Variants in DDX60 observed in about 807,000 individuals in gnomAD.
The protein encoded by DDX60 is probable ATP-dependent RNA helicase DDX60.
Under a neutral mutation model 212.8 loss-of-function variants are expected in DDX60, and 165 were observed. The observed-to-expected ratio is 0.78, with a 90% confidence interval of 0.68 to 0.88. The LOEUF (loss-of-function observed/expected upper bound fraction) is 0.88. DDX60 is among the 40% of genes least tolerant of loss of function. DDX60 has a pLI of 0.00. For synonymous variants in DDX60, 703 were observed against 685.3 expected, an observed-to-expected ratio of 1.03 and a Z score of -0.40; for missense variants, 1,905 against 2,003.9, an observed-to-expected ratio of 0.95 and a Z score of 0.94.
chr4:168,255,876 AT>A lies in DDX60; in HGVS notation c.3399-8del, dbSNP rs1734388419. ...TACAGCTCCTAACTTGAATCTGGAA[AT>A]AAAAAGAATGTGCGCCTTGAAAATA... is the stretch of plus-strand genomic sequence containing the variant. On this transcript the variant is annotated splice_polypyrimidine_tract_variant and splice_region_variant and intron_variant, in intron 25 of 37. Coordinates refer to ENST00000393743, the MANE Select transcript of DDX60 (RefSeq NM_017631.6). 1 of 1,571,022 alleles carries A rather than the reference AT, an allele frequency of 6.4e-7. No homozygotes were observed. Among genetic ancestry groups the A allele is most frequent in the Non-Finnish European group, 8.6e-7 (1 of 1,167,638 alleles).
intron 19 of DDX60, among the ~76,000 whole-genome samples, chr4:168,270,858 C>CT (rs200092171): frequency 2.8e-5 from 4 of 145,308 alleles, no homozygotes; most frequent in Admixed American, 6.9e-5. Flanking sequence ...AATATTCCCC[C>CT]TTTTTTTTCT....
At chr4:168,287,506 A>T (rs1393416124) in intron 9 of DDX60, among the ~76,000 whole-genome samples, 3 of 152,210 alleles carry the variant, frequency 2.0e-5, no homozygotes, top group Non-Finnish European at 4.4e-5. Flanking sequence ...TATGCCACAC[A>T]TAACTTTACA....
At position 168,225,599 on chromosome 4, in the gene DDX60, G is replaced by A. The variant is rs756604330; in HGVS notation, c.4611C>T (p.Thr1537=). 3 of 1,611,250 alleles carry A rather than the reference G, an allele frequency of 1.9e-6. No homozygotes were observed. Among genetic ancestry groups the A allele is most frequent in the East Asian group, 4.5e-5 (2 of 44,596 alleles). ...EYNMKIMEDF[T]TFLRIVSKLA... is the part of the protein sequence containing the mutation. The stretch of plus-strand genomic sequence containing the variant: ...GTTTGGAAACAATTCGTAGGAAAGT[G>A]GTAAAGTCCTCCATAATTTTCATGT... The change falls in exon 34 of 38, where the codon ACC becomes ACT. Residue 1537 remains threonine (T), a synonymous_variant. Transcript: ENST00000393743.
At chr4:168,286,188 T>C (rs1735841140) in intron 10 of DDX60, among the ~76,000 whole-genome samples, 1 of 151,944 alleles carries the variant, frequency 6.6e-6, no homozygotes, top group South Asian at 2.1e-4. Context: ...TTTTCAAATG[T>C]GAATTCCTTT....
chr4:168,299,767 A>G (rs2149543908), intron 6 of DDX60, among the ~76,000 whole-genome samples: 1 of 152,330 alleles, frequency 6.6e-6, no homozygotes, highest in African/African-American at 2.4e-5. Context: ...ACAAGCCCAA[A>G]GAAGTCAATT....
chr4:168,231,711 G>T (rs775547872), intron 33 of DDX60, among the ~76,000 whole-genome samples: 3 of 151,792 alleles, frequency 2.0e-5, no homozygotes, highest in Non-Finnish European at 4.4e-5. Context: ...AAAGGACATA[G>T]CTTAAGGTAA....
At chr4:168,250,894 T>A (rs1734196999) in intron 28 of DDX60, 60 bp downstream of exon 28, 3 of 1,374,798 alleles carry the variant, frequency 2.2e-6, no homozygotes, top group Admixed American at 4.5e-5. Context: ...TTACTTTTCC[T>A]GAACATTCAG....
rs980930962 is a variant in DDX60 at position 168,237,756 on chromosome 4, G to T, written c.4204C>A (p.Gln1402Lys). The change falls in exon 31 of 38, where the codon CAA becomes AAA. Residue 1402 changes from glutamine (Q) to lysine (K), a missense_variant. Gln to Lys is a moderately conservative substitution (Grantham distance 53, BLOSUM62 1). Transcript: ENST00000393743. ...VLKHSLLSFKQPRVMDMLKLY... is the reference protein window; with the variant it reads ...VLKHSLLSFKKPRVMDMLKLY... ...TTTAACATGTCCATGACTCTGGGTT[G>T]CTTGAAGGACAGCAATGAATGCTTT... is the stretch of plus-strand genomic sequence containing the variant. 1.2e-6 allele frequency: 2 copies of T among 1,611,708 alleles called. No homozygotes were observed. Among genetic ancestry groups the T allele is most frequent in the South Asian group, 2.2e-5 (2 of 90,918 alleles).
intron 14 of DDX60, among the ~76,000 whole-genome samples, chr4:168,277,503 G>A (rs909249258): frequency 1.3e-5 from 2 of 152,096 alleles, no homozygotes; most frequent in African/African-American, 4.8e-5. Flanking sequence ...TTTATTGGTG[G>A]TGTCAGGGAT....
intron 26 of DDX60, 36 bp from the exon 27 acceptor site, chr4:168,252,692 G>T: frequency 1.3e-6 from 2 of 1,515,384 alleles, no homozygotes; most frequent in African/African-American, 1.4e-5. Flanking sequence ...TAATGAAATT[G>T]TAAATAATGA....
chr4:168,324,024 G>A, the DDX60 span, among the ~76,000 whole-genome samples: 1 of 152,198 alleles, frequency 6.6e-6, no homozygotes. Context: ...AGGCTCCCCA[G>A]GTAGTGTGGA....
chr4:168,229,063 T>C (rs1055563347), intron 33 of DDX60, among the ~76,000 whole-genome samples: 5 of 151,766 alleles, frequency 3.3e-5, no homozygotes, highest in African/African-American at 1.2e-4. Context: ...CAGATCAGCA[T>C]GTGGAGACTC....
chr4:168,283,777 T>C (rs1735698058), intron 12 of DDX60, among the ~76,000 whole-genome samples, 171 bp from the exon 13 acceptor site: 1 of 152,192 alleles, frequency 6.6e-6, no homozygotes, highest in African/African-American at 2.4e-5. Context: ...CCTTTTCTTA[T>C]TTAAAAGATG....
chr4:168,260,973 T>C lies in DDX60; in HGVS notation c.3290A>G (p.Gln1097Arg), dbSNP rs1354973377. 1 of 1,613,214 alleles carries C rather than the reference T, an allele frequency of 6.2e-7. No individual in the cohort carries two copies. Among genetic ancestry groups the C allele is most frequent in the East Asian group, 2.2e-5 (1 of 44,822 alleles). ...CAAATCTGCTTCAGGACTAAGATTC[T>C]GAAGTACCATTCTGGCCTGTAGTGG... ...GNVEQARMVL[Q>R]NLSPEADLSP... Residue 1097 changes from glutamine to arginine, a missense_variant, in exon 25 of 38, where the codon CAG (glutamine) becomes CGG (arginine). Gln to Arg is a conservative substitution (Grantham distance 43). Transcript: ENST00000393743.
At position 168,275,447 on chromosome 4, in the gene DDX60, C is replaced by T; in HGVS notation, c.2202G>A (p.Gly734=). The part of the protein sequence containing the change: ...KKRNKYSVGI[G]PARFQLQYMG... ...TGTATTGCAGTTGGAACCGAGCTGG[C>T]CCAATGCCAACTGAATATTTATTCC... Residue 734 remains glycine (G), a synonymous_variant, in exon 16 of 38, where the codon GGG becomes GGA. Coordinates refer to ENST00000393743, the MANE Select transcript of DDX60 (RefSeq NM_017631.6). 1 of 1,611,656 alleles carries T rather than the reference C, an allele frequency of 6.2e-7. No homozygotes were observed. The highest frequency in any genetic ancestry group is 1.1e-5 in the South Asian group (1 of 90,350).
chr4:168,222,043 T>C (rs559761989), intron 35 of DDX60, among the ~76,000 whole-genome samples, 162 bp from the exon 36 acceptor site: 2 of 152,298 alleles, frequency 1.3e-5, no homozygotes, highest in Non-Finnish European at 2.9e-5. Context: ...GGTAGCACCA[T>C]CCTAAGCAAG....
intron 1 of DDX60, among the ~76,000 whole-genome samples, chr4:168,314,911 G>C (rs1303676726): frequency 6.6e-6 from 1 of 152,078 alleles, no homozygotes; most frequent in Non-Finnish European, 1.5e-5. Context: ...TGACAAAAGA[G>C]AAAACTACGC....
At chr4:168,248,560 T>A (rs1029619388) in intron 28 of DDX60, among the ~76,000 whole-genome samples, 1 of 152,204 alleles carries the variant, frequency 6.6e-6, no homozygotes, top group Non-Finnish European at 1.5e-5. Context: ...CACAGAGGAA[T>A]CTGTAGCTCA....
chr4:168,216,556 A>G lies in DDX60; in HGVS notation c.*377T>C, dbSNP rs996906454. The G allele has an allele frequency of 1.9e-5, 3 of 156,028 alleles. No homozygotes were observed. Among genetic ancestry groups the G allele is most frequent in the African/African-American group, 7.2e-5 (3 of 41,592 alleles). The allele number at this position is 156,028 out of a possible 1,614,324, so 9.7% of individuals were successfully genotyped here. A position where few individuals can be genotyped will look rare whatever the true frequency, so the allele number is the denominator to read the frequency against. On this transcript the variant is annotated 3_prime_UTR_variant, in exon 38 of 38. Coordinates refer to ENST00000393743, the MANE Select transcript of DDX60 (RefSeq NM_017631.6). ...TAGCCTTAATAAACATTTTATAAAT[A>G]CTGACACTGGGGATAAAGTTACTGA... is the stretch of plus-strand genomic sequence containing the variant.
Sources: allele counts gnomAD v4.1 joint callset (sites outside exome capture counted in the v4.1 genomes callset), GRCh38; gene constraint gnomAD v4.1.1; transcripts MANE v1.5; gene names NCBI Gene and HGNC (gene_info 2026-07-23, HGNC 2026-07-21).